The following MGAM variants were observed in gnomAD, a reference collection of about 807,000 sequenced individuals.
The protein encoded by MGAM is alpha-1,4-glucosidase.
MGAM carries 253 observed loss-of-function variants against 358.8 expected under a neutral mutation model. The observed-to-expected ratio is 0.71, with a 90% CI of 0.64 to 0.78. MGAM has a LOEUF of 0.78. Among genes scored for constraint, MGAM ranks in the 30% least tolerant of loss-of-function variants. The pLI, the probability that MGAM is intolerant of heterozygous loss-of-function variation, is 0.00. For synonymous variants in MGAM, 1,105 were observed against 1,227.1 expected, an observed-to-expected ratio of 0.90 and a Z score of 2.08; for missense variants, 3,080 against 3,432.6, an observed-to-expected ratio of 0.90 and a Z score of 2.57.
intron 44 of MGAM, 116 bp downstream of exon 44, chr7:142,071,234 T>C: frequency 2.5e-6 from 3 of 1,221,376 alleles, no homozygotes; most frequent in Non-Finnish European, 1.1e-6. Context: ...ACTCAACACT[T>C]GTTTTTTCTT....
intron 67 of MGAM, 45 bp from the exon 68 acceptor site, chr7:142,100,757 T>C (rs1244345973): frequency 6.5e-7 from 1 of 1,533,952 alleles, no homozygotes; most frequent in Non-Finnish European, 8.9e-7. Flanking sequence ...GGTTTGTGGC[T>C]GTGGCTTTAC....
At chr7:142,081,093 C>T (rs1276193631) in intron 50 of MGAM, 148 bp downstream of exon 50, 1 of 864,676 alleles carries the variant, frequency 1.2e-6, no homozygotes, top group African/African-American at 1.6e-5. Flanking sequence ...CCTATTCTTA[C>T]AGGAAATCTT....
chr7:142,075,985 C>T (rs1258567907), intron 45 of MGAM, among the ~76,000 whole-genome samples: 1 of 146,214 alleles, frequency 6.8e-6, no homozygotes, highest in Non-Finnish European at 1.5e-5. Flanking sequence ...ATACTCACTC[C>T]TCCCATATTC....
chr7:142,065,172 C>T (rs1332017828), intron 37 of MGAM, among the ~76,000 whole-genome samples, 163 bp from the exon 38 acceptor site: 15 of 152,118 alleles, frequency 9.9e-5, no homozygotes, highest in Admixed American at 3.3e-4. Context: ...TCATTATCTC[C>T]ATCATCTGGG....
chr7:142,078,516 A>G lies in MGAM; in HGVS notation c.5646+46A>G, dbSNP rs186207137. 245 of 1,476,834 alleles carry G rather than the reference A, an allele frequency of 1.7e-4. 25 individuals carry two copies. The highest frequency in any genetic ancestry group is 1.4e-4 in the Admixed American group (7 of 51,310). 91.5% of individuals were successfully genotyped at this position (1,476,834 alleles called of 1,614,324 possible). ...CATGTGCATGAAAATCTCCACACCT[A>G]ATCTATAGTTTCTTAAGCATAGCAG... On this transcript the variant is annotated intron_variant, in intron 48 of 70. Transcript: ENST00000475668.
rs1815746004 is a variant in MGAM at position 142,094,812 on chromosome 7, G to A, written c.7407G>A (p.Gln2469=). Residue 2469 remains glutamine (Q), a synonymous_variant, in exon 63 of 71, where the codon CAG becomes CAA. Coordinates refer to ENST00000475668, the MANE Select transcript of MGAM (RefSeq NM_001365693.1). ...ATGAGATGTGTGTTCGCTGGATGCA[G>A]CTGGGGGCCTTTTACCCCTTCTCAA... The part of the protein sequence containing the change: ...AEYEMCVRWM[Q]LGAFYPFSRN... The A allele has an allele frequency of 6.2e-7, 1 of 1,613,844 alleles. No homozygotes were observed. Among genetic ancestry groups the A allele is most frequent in the African/African-American group, 1.3e-5 (1 of 74,902 alleles).
Position 142,074,290 on chromosome 7 carries a change from T to C in MGAM, c.5275+117T>C, listed in dbSNP as rs148146222. On this transcript the variant is annotated intron_variant, in intron 45 of 70. Coordinates refer to ENST00000475668, the MANE Select transcript of MGAM (RefSeq NM_001365693.1). ...ATCTCAGCAGGCACAGTAGCAAGAG[T>C]CACTTAAGTATTTTGTTTCTGGTTG... is the stretch of plus-strand genomic sequence containing the variant. 1,625 of 770,512 alleles carry C rather than the reference T, an allele frequency of 2.1e-3. 177 individuals carry two copies. In the East Asian group the frequency reaches 0.038, roughly 18 times the overall value. The allele number at this position is 770,512 out of a possible 1,614,324, so 47.7% of individuals were successfully genotyped here. A position where few individuals can be genotyped will look rare whatever the true frequency, so the allele number is the denominator to read the frequency against.
rs569452398 is a variant in MGAM at position 142,066,112 on chromosome 7, C to T, written c.4770+281C>T. Among the ~76,000 whole-genome samples the T allele has an allele frequency of 1.3e-4, 19 of 144,422 alleles. 1 individual carries two copies. Among genetic ancestry groups the T allele is most frequent in the Admixed American group, 2.8e-4 (4 of 14,318 alleles). 94.7% of individuals were successfully genotyped at this position (144,422 alleles called of 152,430 possible). ...CTGAATAGCTGGGATAAAGGCACAT[C>T]CCAGCGTGGCTACCTAATTTTTGAT... On this transcript the variant is annotated intron_variant, in intron 40 of 70. Transcript: ENST00000475668.
intron 21 of MGAM, among the ~76,000 whole-genome samples, chr7:142,041,938 T>TATAA (rs1491194988): frequency 5.5e-5 from 1 of 18,220 alleles, no homozygotes; most frequent in Admixed American, 1.3e-3. Flanking sequence ...AATATATATA[T>TATAA]TATATATATA....
intron 58 of MGAM, among the ~76,000 whole-genome samples, 176 bp from the exon 59 acceptor site, chr7:142,092,345 G>C (rs143162277): frequency 6.9e-6 from 1 of 145,728 alleles, no homozygotes; most frequent in East Asian, 2.0e-4. Context: ...CAGTTGTTCT[G>C]TAGGGGTGAA....
chr7:142,085,953 C>G lies in MGAM; in HGVS notation c.6628C>G (p.Leu2210Val). 1 of 1,565,720 alleles carries G rather than the reference C, an allele frequency of 6.4e-7. No individual in the cohort carries two copies. The highest frequency in any genetic ancestry group is 2.3e-5 in the East Asian group (1 of 43,978). Reference sequence around the variant, plus strand: ...GAAGGCTGATGGGATGCGGGTCATCCTCATTCTGGTTAGTCCTGATGTGAA... The same window carrying G: ...GAAGGCTGATGGGATGCGGGTCATCGTCATTCTGGTTAGTCCTGATGTGAA... ...RMKADGMRVI[L>V]ILDPAISGNE... is the part of the protein sequence containing the mutation. The change falls in exon 55 of 71, where the codon CTC becomes GTC. Residue 2210 changes from leucine (L) to valine (V), a missense_variant. Physicochemically the swap from Leu to Val is conservative, Grantham distance 32. Transcript: ENST00000475668.
rs2128993642 is a variant in MGAM at position 142,019,276 on chromosome 7, T to C, written c.405T>C (p.Asn135=). Reference sequence around the variant, plus strand: ...TTCCCTGGTGCTACTATTCCAAGAATCATAGCTACCATGTAGAGGGCAACC... The same window carrying C: ...TTCCCTGGTGCTACTATTCCAAGAACCATAGCTACCATGTAGAGGGCAACC... ...VSVPWCYYSK[N]HSYHVEGNLV... is the part of the protein sequence containing the mutation. The change falls in exon 4 of 71, where the codon AAT becomes AAC. Residue 135 remains asparagine (N), a synonymous_variant. Coordinates refer to ENST00000475668, the MANE Select transcript of MGAM (RefSeq NM_001365693.1). The C allele has an allele frequency of 6.2e-7, 1 of 1,613,680 alleles. No homozygotes were observed. Among genetic ancestry groups the C allele is most frequent in the South Asian group, 1.1e-5 (1 of 91,090 alleles).
intron 21 of MGAM, among the ~76,000 whole-genome samples, chr7:142,045,452 A>G (rs1369967313): frequency 8.2e-4 from 92 of 112,186 alleles, no homozygotes; most frequent in African/African-American, 3.1e-3. Context: ...TATACCTATA[A>G]TACATGATAT....
intron 10 of MGAM, among the ~76,000 whole-genome samples, chr7:142,029,146 C>T (rs1170560033): frequency 3.9e-5 from 6 of 152,116 alleles, no homozygotes; most frequent in South Asian, 2.1e-4. Flanking sequence ...GTCAGGAGTT[C>T]GAGACCAGCC....
chr7:142,062,890 G>A (rs920261397), intron 35 of MGAM, among the ~76,000 whole-genome samples, 188 bp downstream of exon 35: 6 of 152,136 alleles, frequency 3.9e-5, no homozygotes, highest in Admixed American at 6.5e-5. Context: ...CAGACCTGAC[G>A]CTCCTACTGT....
Position 142,084,649 on chromosome 7 carries a change from G to A in MGAM, c.6507+5G>A, listed in dbSNP as rs771225313. On this transcript the variant is annotated splice_donor_5th_base_variant and intron_variant, in intron 54 of 70. Transcript: ENST00000475668. Reference sequence around the variant, plus strand: ...GTGGCTGCCCAGATCCCTTATGTACGTTCTCAGTCATGGCTCTGGAGTTTG... The same window carrying A: ...GTGGCTGCCCAGATCCCTTATGTACATTCTCAGTCATGGCTCTGGAGTTTG... 1.9e-5 allele frequency: 30 copies of A among 1,554,014 alleles called. 3 individuals are homozygous for A. Among genetic ancestry groups the A allele is most frequent in the Non-Finnish European group, 2.1e-5 (24 of 1,131,582 alleles).
chr7:142,006,949 T>C (rs1554452636), intron 2 of MGAM, among the ~76,000 whole-genome samples: 1 of 152,150 alleles, frequency 6.6e-6, no homozygotes, highest in Non-Finnish European at 1.5e-5. Context: ...TGGCCCTTCT[T>C]AAAATAAGTT....
chr7:142,021,552 T>C (rs782489615), intron 5 of MGAM, 34 bp from the exon 6 acceptor site: 1 of 1,604,762 alleles, frequency 6.2e-7, no homozygotes, highest in Admixed American at 1.7e-5. Context: ...CAAGTTTTTA[T>C]TTTGGCTTTC....
chr7:142,006,433 A>T (rs1434078484), intron 2 of MGAM, among the ~76,000 whole-genome samples: 1 of 152,112 alleles, frequency 6.6e-6, no homozygotes, highest in African/African-American at 2.4e-5. Context: ...TCTCATGATG[A>T]GCAGATGTTA....
Sources: gnomAD v4.1 joint callset for allele counts (sites outside exome capture counted in the v4.1 genomes callset) on GRCh38, gnomAD v4.1.1 for gene constraint, MANE v1.5 for transcripts, NCBI Gene and HGNC (gene_info 2026-07-23, HGNC 2026-07-21) for gene names.